The following KCNH8 variants were observed in gnomAD, a reference collection of about 807,000 sequenced individuals.
KCNH8 encodes voltage-gated delayed rectifier potassium channel KCNH8.
KCNH8 carries 70 observed loss-of-function variants against 103.6 expected under a neutral mutation model. That is an observed-to-expected ratio of 0.68 (90% CI 0.56 to 0.82). KCNH8 has a LOEUF of 0.82. Ranked by LOEUF, KCNH8 falls within the 40% of genes least tolerant of loss-of-function variation. The pLI, the probability that KCNH8 is intolerant of heterozygous loss-of-function variation, is 0.00. For missense variants in KCNH8, 1,217 were observed against 1,329.9 expected, an observed-to-expected ratio of 0.92 and a Z score of 1.32; for synonymous variants, 498 against 489.4, an observed-to-expected ratio of 1.02 and a Z score of -0.23.
intron 7 of KCNH8, among the ~76,000 whole-genome samples, chr3:19,426,799 C>A (rs569285661): frequency 6.6e-5 from 10 of 152,206 alleles, no homozygotes; most frequent in Admixed American, 2.0e-4. Context: ...ACTTTTGAAT[C>A]AAAAATATCA....
At chr3:19,520,487 C>T (rs938767471) in intron 15 of KCNH8, among the ~76,000 whole-genome samples, 3 of 151,910 alleles carry the variant, frequency 2.0e-5, no homozygotes, top group Non-Finnish European at 4.4e-5. Context: ...AAATGGACTT[C>T]AAACTGTAAA....
intron 3 of KCNH8, among the ~76,000 whole-genome samples, chr3:19,338,905 G>A (rs1030697958): frequency 6.6e-6 from 1 of 151,958 alleles, no homozygotes; most frequent in East Asian, 1.9e-4. Flanking sequence ...TCATTACTAT[G>A]CCTGTATGCA....
intron 2 of KCNH8, among the ~76,000 whole-genome samples, chr3:19,266,989 C>T (rs2064521519): frequency 6.6e-6 from 1 of 152,030 alleles, no homozygotes; most frequent in African/African-American, 2.4e-5. Flanking sequence ...GATAAATTAA[C>T]ATCTGTTTGT....
intron 3 of KCNH8, among the ~76,000 whole-genome samples, chr3:19,299,804 T>C (rs2065042805): frequency 6.6e-6 from 1 of 151,994 alleles, no homozygotes; most frequent in Admixed American, 6.5e-5. Flanking sequence ...CATCAATAAC[T>C]TTATAAAGCT....
At chr3:19,280,337 A>T (rs2064738906) in intron 2 of KCNH8, among the ~76,000 whole-genome samples, 1 of 152,064 alleles carries the variant, frequency 6.6e-6, no homozygotes, top group Non-Finnish European at 1.5e-5. Context: ...GCATTTAAGA[A>T]CTGAACACTC....
chr3:19,264,274 C>T (rs1323299310), intron 2 of KCNH8, among the ~76,000 whole-genome samples: 1 of 152,100 alleles, frequency 6.6e-6, no homozygotes, highest in Non-Finnish European at 1.5e-5. Context: ...CTGAAGGTAG[C>T]ACATGCAGCC....
At chr3:19,240,125 T>A (rs912349423) in intron 1 of KCNH8, among the ~76,000 whole-genome samples, 19 of 152,230 alleles carry the variant, frequency 1.2e-4, no homozygotes, top group African/African-American at 4.3e-4. Flanking sequence ...CTCTCTTTAC[T>A]CACTTTCCGC....
At chr3:19,326,058 A>G (rs2065419102) in intron 3 of KCNH8, among the ~76,000 whole-genome samples, 1 of 152,254 alleles carries the variant, frequency 6.6e-6, no homozygotes, top group African/African-American at 2.4e-5. Context: ...GCTGGAGGCC[A>G]TTATTCTTAG....
chr3:19,416,180 A>G (rs1267440711), intron 7 of KCNH8, among the ~76,000 whole-genome samples: 7 of 152,110 alleles, frequency 4.6e-5, no homozygotes, highest in Non-Finnish European at 7.4e-5. Context: ...TTTACATGAT[A>G]CTGATTTTTC....
In KCNH8 at chr3:19,395,353, A is replaced by T. The variant is rs199907370; in HGVS notation, c.1177+42A>T. 273 of 1,413,984 alleles carry T rather than the reference A, an allele frequency of 1.9e-4. No individual in the cohort carries two copies. The African/African-American group carries it at 3.5e-3, about 18-fold the overall frequency. 87.6% of individuals were successfully genotyped at this position (1,413,984 alleles called of 1,614,324 possible). A position where few individuals can be genotyped will look rare whatever the true frequency, so the allele number is the denominator to read the frequency against. ...GTCACATTTTCCATTTTTTAATTTA[A>T]AAAAAAAGAGTATCAAGAACTTGGA... On this transcript the variant is annotated intron_variant, in intron 7 of 15. Transcript: ENST00000328405.
chr3:19,299,445 CATAGTG>C, intron 3 of KCNH8, among the ~76,000 whole-genome samples: 1 of 152,160 alleles, frequency 6.6e-6, no homozygotes, highest in Non-Finnish European at 1.5e-5. Flanking sequence ...GATTGGGCAA[CATAGTG>C]AGACCCCCAT....
At chr3:19,183,689 C>T (rs2063477240) in intron 1 of KCNH8, among the ~76,000 whole-genome samples, 1 of 152,128 alleles carries the variant, frequency 6.6e-6, no homozygotes, top group South Asian at 2.1e-4. Flanking sequence ...GTGGAAGATA[C>T]AGACTGGAAG....
chr3:19,447,355 C>G (rs116145184), intron 8 of KCNH8, among the ~76,000 whole-genome samples: 5,330 of 152,084 alleles, frequency 0.035, 137 homozygotes, highest in Middle Eastern at 0.061. Context: ...TACTTTTCAA[C>G]AACACTTATG....
chr3:19,292,072 T>C lies in KCNH8; in HGVS notation c.442+10743T>C, dbSNP rs11706745. Among the ~76,000 whole-genome samples the C allele has an allele frequency of 3.3e-3, 508 of 152,350 alleles. 3 individuals are homozygous for C. Among genetic ancestry groups the C allele is most frequent in the Middle Eastern group, 6.8e-3 (2 of 294 alleles). On this transcript the variant is annotated intron_variant, in intron 3 of 15. Coordinates refer to ENST00000328405, the MANE Select transcript of KCNH8 (RefSeq NM_144633.3). ...CACAGCAGTTCATTCATTATGTTAA[T>C]TTGGTTTTCCATTCAAACCAGTTGA...
intron 11 of KCNH8, among the ~76,000 whole-genome samples, chr3:19,465,068 A>G (rs972116416): frequency 2.0e-5 from 3 of 152,174 alleles, no homozygotes; most frequent in African/African-American, 7.2e-5. Flanking sequence ...GCTTCTCTAT[A>G]TTTCAATAAT....
At chr3:19,497,634 T>A (rs1014634604) in intron 11 of KCNH8, among the ~76,000 whole-genome samples, 1 of 152,194 alleles carries the variant, frequency 6.6e-6, no homozygotes, top group Non-Finnish European at 1.5e-5. Flanking sequence ...TTCTTTGAAT[T>A]TGCTGAGGGT....
intron 11 of KCNH8, among the ~76,000 whole-genome samples, chr3:19,488,016 T>C (rs2068245718): frequency 1.3e-5 from 2 of 152,178 alleles, no homozygotes; most frequent in Non-Finnish European, 2.9e-5. Context: ...AAAAACTTAA[T>C]GTCCTTGCCT....
Position 19,526,539 on chromosome 3 carries a change from C to A in KCNH8, c.2620-6856C>A, listed in dbSNP as rs1036288511. On this transcript the variant is annotated intron_variant, in intron 15 of 15. Transcript: ENST00000328405. ...TCTGTTCCCAAAAGGCACAATCTAACCACACACCAGAACAGTAAATCTGTG... is the reference window on the plus strand; with the variant it reads ...TCTGTTCCCAAAAGGCACAATCTAAACACACACCAGAACAGTAAATCTGTG... Among the ~76,000 whole-genome samples, 4 of 151,950 alleles carry A rather than the reference C, an allele frequency of 2.6e-5. No individual in the cohort carries two copies. In the South Asian group the frequency reaches 6.2e-4, roughly 24 times the overall value.
chr3:19,215,418 G>C (rs1053745718), intron 1 of KCNH8, among the ~76,000 whole-genome samples: 2 of 152,192 alleles, frequency 1.3e-5, no homozygotes. Flanking sequence ...ATTTATGAGA[G>C]ATTGAAAGAT....
Sources: allele counts gnomAD v4.1 joint callset (sites outside exome capture counted in the v4.1 genomes callset), GRCh38; gene constraint gnomAD v4.1.1; transcripts MANE v1.5; gene names NCBI Gene and HGNC (gene_info 2026-07-23, HGNC 2026-07-21).